NKAIN3: variants seen among roughly 807,000 people sequenced by gnomAD.
The protein encoded by NKAIN3 is sodium/potassium transporting ATPase interacting 3.
NKAIN3 carries 25 observed loss-of-function variants against 30.2 expected under a neutral mutation model. The ratio of observed to expected loss-of-function variants is 0.83; its 90% confidence interval spans 0.60 to 1.16. NKAIN3 has a LOEUF of 1.16. Ranked by LOEUF, NKAIN3 falls within the 50% of genes most tolerant of loss-of-function variation. The pLI is 0.00. For missense variants in NKAIN3, 225 were observed against 254.1 expected (o/e 0.89, Z 0.78); for synonymous variants, 91 against 89.6 (o/e 1.02, Z -0.09).
intron 1 of NKAIN3, among the ~76,000 whole-genome samples, chr8:62,427,364 T>C (rs374756666): frequency 1.3e-3 from 194 of 152,140 alleles, no homozygotes; most frequent in African/African-American, 4.6e-3. Flanking sequence ...CAAAAGCTTC[T>C]GAGGCTATGA....
chr8:62,384,372 C>T (rs1048113552), intron 1 of NKAIN3, among the ~76,000 whole-genome samples: 7 of 151,992 alleles, frequency 4.6e-5, no homozygotes, highest in African/African-American at 7.2e-5. Context: ...ATCTATGGCC[C>T]ATGAATGTTT....
chr8:62,470,169 C>T (rs1450864010), intron 1 of NKAIN3, among the ~76,000 whole-genome samples: 2 of 152,182 alleles, frequency 1.3e-5, no homozygotes, highest in African/African-American at 2.4e-5. Context: ...GCATTATTCT[C>T]ATATGACTAC....
At chr8:62,712,629 G>T (rs1435215936) in intron 3 of NKAIN3, among the ~76,000 whole-genome samples, 1 of 152,084 alleles carries the variant, frequency 6.6e-6, no homozygotes, top group Non-Finnish European at 1.5e-5. Context: ...CCAGGCAGAG[G>T]GCTTGAAAAC....
intron 4 of NKAIN3, among the ~76,000 whole-genome samples, chr8:62,908,996 C>G (rs777521563): frequency 6.6e-6 from 1 of 152,182 alleles, no homozygotes; most frequent in Non-Finnish European, 1.5e-5. Flanking sequence ...CCTCTCTTCT[C>G]TGAGTTCCCT....
chr8:62,374,901 T>C (rs1218648022), intron 1 of NKAIN3, among the ~76,000 whole-genome samples: 3 of 152,196 alleles, frequency 2.0e-5, no homozygotes, highest in Non-Finnish European at 4.4e-5. Context: ...CTAAATCCTG[T>C]ATGCACATAA....
intron 4 of NKAIN3, among the ~76,000 whole-genome samples, chr8:62,911,409 A>G (rs1364162258): frequency 3.3e-5 from 5 of 152,190 alleles, no homozygotes; most frequent in Admixed American, 3.3e-4. Context: ...TGGGCTTACG[A>G]TCCAATAAGC....
intron 4 of NKAIN3, among the ~76,000 whole-genome samples, chr8:62,791,221 C>T (rs767286249): frequency 6.6e-6 from 1 of 152,036 alleles, no homozygotes; most frequent in Non-Finnish European, 1.5e-5. Flanking sequence ...CAATCTTCCA[C>T]ATGACAGTGG....
At chr8:62,317,492 A>G (rs529942479) in intron 1 of NKAIN3, among the ~76,000 whole-genome samples, 49 of 152,286 alleles carry the variant, frequency 3.2e-4, no homozygotes, top group African/African-American at 1.1e-3. Context: ...CTTTCTACAT[A>G]TGGCTAGCCA....
In NKAIN3 at chr8:62,915,265, C is replaced by A. The variant is rs143130517; in HGVS notation, c.472-3188C>A. Among the ~76,000 whole-genome samples the A allele has an allele frequency of 6.7e-3, 1,025 of 152,230 alleles. 45 individuals are homozygous for A. The highest frequency in any genetic ancestry group is 0.064 in the Admixed American group (972 of 15,272). On this transcript the variant is annotated intron_variant, in intron 4 of 6. Transcript: ENST00000623646. ...GGCAAACGAGAATGAATAAAGGTTG[C>A]AGATAAAATTGATTGATAATCATGT...
At chr8:62,415,751 T>A (rs1804423974) in intron 1 of NKAIN3, among the ~76,000 whole-genome samples, 1 of 149,448 alleles carries the variant, frequency 6.7e-6, no homozygotes, top group Non-Finnish European at 1.5e-5. Context: ...TTATTAAGAA[T>A]TATTATTATT....
At chr8:62,884,587 G>A (rs917099772) in intron 4 of NKAIN3, among the ~76,000 whole-genome samples, 1 of 152,170 alleles carries the variant, frequency 6.6e-6, no homozygotes, top group African/African-American at 2.4e-5. Context: ...TTCCTTAAAT[G>A]TTTGGTAGGA....
chr8:62,937,124 A>G (rs1441360319), intron 5 of NKAIN3, among the ~76,000 whole-genome samples: 3 of 152,272 alleles, frequency 2.0e-5, no homozygotes, highest in African/African-American at 4.8e-5. Context: ...AAAACCCTTC[A>G]CATAAAAAAC....
chr8:62,315,579 CT>C (rs1177360354), intron 1 of NKAIN3, among the ~76,000 whole-genome samples: 3 of 151,396 alleles, frequency 2.0e-5, no homozygotes, highest in Non-Finnish European at 4.4e-5. Context: ...TTATTATTAG[CT>C]TTGGCAAAGC....
rs1382341653 is a variant in NKAIN3, at chr8:62,666,149, G to A, written c.273+76355G>A. On this transcript the variant is annotated intron_variant, in intron 3 of 6. Coordinates refer to ENST00000623646, the MANE Select transcript of NKAIN3 (RefSeq NM_001304533.3). ...AATTGCTTGAACCCAGAAGGCAGAG[G>A]TTGAAGTGAGCCGAGATCACGCCAC... is the stretch of plus-strand genomic sequence containing the variant. Among the ~76,000 whole-genome samples the A allele has an allele frequency of 4.6e-5, 7 of 152,116 alleles. No homozygotes were observed. In the East Asian group the frequency reaches 1.3e-3, roughly 29 times the overall value.
At chr8:62,504,602 C>A (rs2129699634) in intron 1 of NKAIN3, among the ~76,000 whole-genome samples, 1 of 152,240 alleles carries the variant, frequency 6.6e-6, no homozygotes, top group Middle Eastern at 3.4e-3. Flanking sequence ...CAATAACAAT[C>A]AAATTGATTT....
At chr8:62,780,650 G>C (rs1482030600) in intron 4 of NKAIN3, among the ~76,000 whole-genome samples, 1 of 152,118 alleles carries the variant, frequency 6.6e-6, no homozygotes, top group Non-Finnish European at 1.5e-5. Flanking sequence ...ATCAGTAATT[G>C]TGATATATCA....
intron 4 of NKAIN3, among the ~76,000 whole-genome samples, chr8:62,798,429 G>C (rs1273810918): frequency 6.6e-6 from 1 of 151,996 alleles, no homozygotes; most frequent in Non-Finnish European, 1.5e-5. Context: ...AAAATTAGCT[G>C]GGCTTGGTGG....
chr8:62,253,882 T>C (rs1006352046), intron 1 of NKAIN3, among the ~76,000 whole-genome samples: 8 of 152,226 alleles, frequency 5.3e-5, no homozygotes, highest in Non-Finnish European at 1.2e-4. Flanking sequence ...TTTATACTGA[T>C]ACTTTGGCTT....
At position 62,973,182 on chromosome 8, in the gene NKAIN3, C is replaced by T. The variant is rs959390112; in HGVS notation, c.*7775C>T. Among the ~76,000 whole-genome samples the T allele has an allele frequency of 2.0e-5, 3 of 152,124 alleles. No homozygotes were observed. Among genetic ancestry groups the T allele is most frequent in the Non-Finnish European group, 2.9e-5 (2 of 68,014 alleles). On this transcript the variant is annotated 3_prime_UTR_variant, in exon 7 of 7. Transcript: ENST00000623646. The stretch of plus-strand genomic sequence containing the variant: ...AATGATTTATAATCCTTTGGGTATA[C>T]ACCCAGTAGGGGATTGCTGGATCAA...
Sources: gnomAD v4.1 joint callset for allele counts (sites outside exome capture counted in the v4.1 genomes callset) on GRCh38, gnomAD v4.1.1 for gene constraint, MANE v1.5 for transcripts, NCBI Gene and HGNC (gene_info 2026-07-23, HGNC 2026-07-21) for gene names.